The following PDCD10 variants were observed in gnomAD, a reference collection of about 807,000 sequenced individuals.
PDCD10 encodes programmed cell death 10.
PDCD10 carries 4 observed loss-of-function variants against 29.2 expected under a neutral mutation model. The ratio of observed to expected loss-of-function variants is 0.14; its 90% CI spans 0.07 to 0.31. PDCD10 has a LOEUF of 0.31. Ranked by LOEUF, PDCD10 falls within the 10% of genes least tolerant of loss-of-function variation. The pLI is 1.00. For synonymous variants in PDCD10, 70 were observed against 82.2 expected (o/e 0.85, Z 0.80); for missense variants, 183 against 257.9 (o/e 0.71, Z 1.99).
chr3:167,704,948 C>T (rs1337289308), intron 3 of PDCD10, 53 bp from the exon 4 acceptor site: 2 of 1,082,150 alleles, frequency 1.8e-6, no homozygotes, highest in African/African-American at 3.1e-5. Context: ...GGAAAAAGCA[C>T]ATTTCTGAGA....
chr3:167,683,303 A>AT lies in PDCD10; in HGVS notation c.*1004dup, dbSNP rs946456319. On this transcript the variant is annotated 3_prime_UTR_variant, in exon 9 of 9. Transcript: ENST00000392750. ...CTTTATAAAAGATAAGCAAATTCTG[A>AT]TTTTTTCCCTTTATTTTATAATTGA... 4.6e-5 allele frequency: 7 copies of AT among 152,032 alleles called. No individual in the cohort carries two copies. The highest frequency in any genetic ancestry group is 1.7e-4 in the African/African-American group (7 of 41,432). 9.4% of individuals were successfully genotyped at this position (152,032 alleles called of 1,614,324 possible).
intron 8 of PDCD10, among the ~76,000 whole-genome samples, chr3:167,686,913 A>ACC (rs147527687): frequency 6.6e-6 from 1 of 152,130 alleles, no homozygotes; most frequent in Non-Finnish European, 1.5e-5. Flanking sequence ...ACACAGTCAC[A>ACC]CCCCCTTGTT....
intron 4 of PDCD10, among the ~76,000 whole-genome samples, chr3:167,700,345 A>C (rs1265679846): frequency 6.6e-6 from 1 of 152,214 alleles, no homozygotes; most frequent in African/African-American, 2.4e-5. Context: ...AATACTTTAA[A>C]CATGGGATAA....
At chr3:167,718,575 G>A (rs968586784) in intron 3 of PDCD10, among the ~76,000 whole-genome samples, 7 of 151,876 alleles carry the variant, frequency 4.6e-5, no homozygotes, top group South Asian at 2.1e-4. Flanking sequence ...GCTAGGTTTC[G>A]TCATTAGAAT....
chr3:167,720,252 T>C lies in PDCD10; in HGVS notation c.-95A>G. The C allele has an allele frequency of 1.2e-6, 1 of 831,544 alleles. No individual in the cohort carries two copies. Among genetic ancestry groups the C allele is most frequent in the South Asian group, 1.4e-5 (1 of 71,616 alleles). The allele number at this position is 831,544 out of a possible 1,614,324, so 51.5% of individuals were successfully genotyped here. A position where few individuals can be genotyped will look rare whatever the true frequency, so the allele number is the denominator to read the frequency against. ...TTCTCTTTTTTGGTGATAAAAGAAT[T>C]GGACACAAAAAACACACTGATCTGG... On this transcript the variant is annotated 5_prime_UTR_variant, in exon 3 of 9. Transcript: ENST00000392750.
chr3:167,723,554 C>A (rs1723792074), intron 2 of PDCD10, among the ~76,000 whole-genome samples: 2 of 152,248 alleles, frequency 1.3e-5, no homozygotes, highest in South Asian at 4.1e-4. Context: ...AACCGAAGTA[C>A]AAAAAGGATG....
intron 2 of PDCD10, among the ~76,000 whole-genome samples, chr3:167,721,253 A>T (rs190961858): frequency 6.6e-4 from 101 of 152,262 alleles, no homozygotes; most frequent in African/African-American, 2.2e-3. Flanking sequence ...AAAAACTGCA[A>T]TTCTAATTTT....
At chr3:167,692,385 T>C (rs1427430873) in intron 6 of PDCD10, among the ~76,000 whole-genome samples, 1 of 152,214 alleles carries the variant, frequency 6.6e-6, no homozygotes, top group African/African-American at 2.4e-5. Context: ...GTTTTGATTG[T>C]GTTTTGACTA....
At chr3:167,716,107 C>A (rs1042149343) in intron 3 of PDCD10, among the ~76,000 whole-genome samples, 2 of 152,044 alleles carry the variant, frequency 1.3e-5, no homozygotes, top group African/African-American at 4.8e-5. Flanking sequence ...GAGATCCTGT[C>A]ATCTGTAACA....
intron 2 of PDCD10, among the ~76,000 whole-genome samples, chr3:167,732,107 C>T (rs1002121164): frequency 2.0e-5 from 3 of 152,114 alleles, no homozygotes; most frequent in African/African-American, 7.2e-5. Context: ...ATTTAAGTCA[C>T]GTTAAGTCTT....
chr3:167,731,536 T>C lies in PDCD10; in HGVS notation c.-117+2678A>G, dbSNP rs558250279. The stretch of plus-strand genomic sequence containing the variant: ...ACTTCAATCCAGAAAGCATATCCGC[T>C]TTATTCATTTCTCTATTTCTGTCCC... On this transcript the variant is annotated intron_variant, in intron 2 of 8. Transcript: ENST00000392750. Among the ~76,000 whole-genome samples the C allele has an allele frequency of 1.2e-4, 18 of 152,348 alleles. No homozygotes were observed. The South Asian group carries it at 2.5e-3, about 21-fold the overall frequency.
chr3:167,696,636 A>G (rs1193643562), intron 5 of PDCD10, among the ~76,000 whole-genome samples: 1 of 152,154 alleles, frequency 6.6e-6, no homozygotes, highest in East Asian at 1.9e-4. Context: ...TACTAAAGTT[A>G]AAAAAACAAC....
At chr3:167,707,789 A>G (rs1003040970) in intron 3 of PDCD10, among the ~76,000 whole-genome samples, 1 of 152,232 alleles carries the variant, frequency 6.6e-6, no homozygotes, top group Non-Finnish European at 1.5e-5. Context: ...GAAGGAGGAA[A>G]TTGTGACTGC....
At chr3:167,730,421 A>G (rs1724687110) in intron 2 of PDCD10, among the ~76,000 whole-genome samples, 1 of 152,208 alleles carries the variant, frequency 6.6e-6, no homozygotes, top group Non-Finnish European at 1.5e-5. Flanking sequence ...ACATATAAAA[A>G]GCAGTATTTC....
chr3:167,692,987 G>A (rs1401930884), intron 6 of PDCD10, among the ~76,000 whole-genome samples: 3 of 152,148 alleles, frequency 2.0e-5, no homozygotes, highest in Non-Finnish European at 4.4e-5. Flanking sequence ...ACAGATTTTG[G>A]CTATTCAATT....
intron 4 of PDCD10, among the ~76,000 whole-genome samples, chr3:167,700,076 G>T (rs1426488593): frequency 6.6e-6 from 1 of 152,060 alleles, no homozygotes; most frequent in African/African-American, 2.4e-5. Context: ...GCAGTTAAAA[G>T]AAATATAAAC....
chr3:167,689,485 T>C (rs892554962), intron 6 of PDCD10, among the ~76,000 whole-genome samples: 10 of 152,160 alleles, frequency 6.6e-5, no homozygotes, highest in African/African-American at 2.4e-4. Context: ...GGGCTAGTCA[T>C]CAAAATGAGC....
chr3:167,722,645 G>A lies in PDCD10; in HGVS notation c.-116-2372C>T, dbSNP rs149568548. Among the ~76,000 whole-genome samples, 487 of 152,194 alleles carry A rather than the reference G, an allele frequency of 3.2e-3. 6 individuals are homozygous for A. The highest frequency in any genetic ancestry group is 0.011 in the African/African-American group (452 of 41,510). ...GAGCTGGTAAGTTTTCAAGAATCTC[G>A]GTATAAAGGAGGTGAAATACTTATG... is the stretch of plus-strand genomic sequence containing the variant. On this transcript the variant is annotated intron_variant, in intron 2 of 8. Transcript: ENST00000392750.
intron 6 of PDCD10, among the ~76,000 whole-genome samples, chr3:167,688,840 C>CT (rs1719927805): frequency 6.6e-6 from 1 of 152,130 alleles, no homozygotes; most frequent in Non-Finnish European, 1.5e-5. Context: ...TTCAACATTC[C>CT]TATTTCAAGG....
Sources: gnomAD v4.1 joint callset for allele counts (sites outside exome capture counted in the v4.1 genomes callset) on GRCh38, gnomAD v4.1.1 for gene constraint, MANE v1.5 for transcripts, NCBI Gene and HGNC (gene_info 2026-07-23, HGNC 2026-07-21) for gene names.